Variants in SAE1 observed in about 807,000 individuals in gnomAD.
The protein encoded by SAE1 is SUMO-activating enzyme subunit 1.
Under a neutral mutation model 40.6 loss-of-function variants are expected in SAE1, and 11 were observed. The observed-to-expected ratio is 0.27, with a 90% confidence interval of 0.17 to 0.45. SAE1 has a LOEUF of 0.45. Among genes scored for constraint, SAE1 ranks in the 20% least tolerant of loss-of-function variants. The probability of loss-of-function intolerance (pLI) is 1.00; values close to 1 mark genes in which losing one functional copy is unlikely to be tolerated. For missense variants in SAE1, 373 were observed against 427.3 expected, an observed-to-expected ratio of 0.87 and a Z score of 1.12; for synonymous variants, 155 against 154.3, an observed-to-expected ratio of 1.00 and a Z score of -0.03.
rs2058420949 is a variant in SAE1, at chr19:47,170,017, C to T, written c.733+94C>T. On this transcript the variant is annotated intron_variant, in intron 6 of 8. Coordinates refer to ENST00000270225, the MANE Select transcript of SAE1 (RefSeq NM_005500.3). ...GGTCCAGATGGTTTTGTGATGTTTG[C>T]CTTGGGTGGCATTCTTCATTGGCTA... is the stretch of plus-strand genomic sequence containing the variant. 1.1e-5 allele frequency: 10 copies of T among 901,916 alleles called. No homozygotes were observed. The Admixed American group carries it at 1.9e-4, about 17-fold the overall frequency. The allele number at this position is 901,916 out of a possible 1,614,324, so 55.9% of individuals were successfully genotyped here. A position where few individuals can be genotyped will look rare whatever the true frequency, so the allele number is the denominator to read the frequency against.
intron 4 of SAE1, among the ~76,000 whole-genome samples, chr19:47,153,940 C>G (rs1421013743): frequency 6.6e-6 from 1 of 151,988 alleles, no homozygotes; most frequent in East Asian, 1.9e-4. Context: ...TACAGGCATG[C>G]GTCACCATGC....
At chr19:47,191,822 A>G (rs1468652196) in intron 6 of SAE1, among the ~76,000 whole-genome samples, 3 of 151,962 alleles carry the variant, frequency 2.0e-5, no homozygotes, top group Non-Finnish European at 2.9e-5. Flanking sequence ...TTGGGAGGCC[A>G]AGGCGGGCCG....
intron 8 of SAE1, among the ~76,000 whole-genome samples, chr19:47,205,311 C>G (rs1390654003): frequency 7.1e-6 from 1 of 141,040 alleles, no homozygotes; most frequent in Non-Finnish European, 1.5e-5. Flanking sequence ...CACCGTTTTC[C>G]TAAGGCTACT....
At chr19:47,137,369 CAA>C (rs1004680493) in intron 1 of SAE1, among the ~76,000 whole-genome samples, 32 of 152,134 alleles carry the variant, frequency 2.1e-4, no homozygotes, top group African/African-American at 7.0e-4. Flanking sequence ...GCCTGGGTGA[CAA>C]GAGCGAAACT....
chr19:47,155,012 C>G (rs111301108), intron 4 of SAE1, 102 bp from the exon 5 acceptor site: 2 of 730,916 alleles, frequency 2.7e-6, no homozygotes, highest in South Asian at 1.6e-5. Context: ...AAGCTTTTGC[C>G]CTTAACCACC....
At chr19:47,166,713 G>A (rs762063842) in intron 5 of SAE1, among the ~76,000 whole-genome samples, 1 of 152,134 alleles carries the variant, frequency 6.6e-6, no homozygotes, top group Non-Finnish European at 1.5e-5. Context: ...GGCATTCCCA[G>A]ACCATATTGC....
chr19:47,196,759 G>C lies in SAE1; in HGVS notation c.734-474G>C. Among the ~76,000 whole-genome samples the C allele has an allele frequency of 2.0e-5, 3 of 151,904 alleles. 1 individual carries two copies. In the East Asian group the frequency reaches 5.8e-4, roughly 29 times the overall value. The stretch of plus-strand genomic sequence containing the variant: ...TATACTTCATTGAATTGTTTCCTCG[G>C]GGAAGCCTTCCTGATACCACCCTAC... On this transcript the variant is annotated intron_variant, in intron 6 of 8. Coordinates refer to ENST00000270225, the MANE Select transcript of SAE1 (RefSeq NM_005500.3).
At position 47,151,655 on chromosome 19, in the gene SAE1, A is replaced by G. The variant is rs1392117244; in HGVS notation, c.385-1243A>G. Among the ~76,000 whole-genome samples the G allele has an allele frequency of 5.3e-5, 8 of 152,200 alleles. No individual in the cohort carries two copies. In the East Asian group the frequency reaches 1.5e-3, roughly 29 times the overall value. On this transcript the variant is annotated intron_variant, in intron 3 of 8. Coordinates refer to ENST00000270225, the MANE Select transcript of SAE1 (RefSeq NM_005500.3). Reference sequence around the variant, plus strand: ...TTCAAATATGGGCTTGGAAGGATGGATCATCTGTGCATTTGTCCTGTTTTC... The same window carrying G: ...TTCAAATATGGGCTTGGAAGGATGGGTCATCTGTGCATTTGTCCTGTTTTC...
chr19:47,189,301 T>C (rs563234440), intron 6 of SAE1, among the ~76,000 whole-genome samples: 35 of 151,954 alleles, frequency 2.3e-4, no homozygotes, highest in African/African-American at 7.3e-4. Flanking sequence ...CTCACGCCTG[T>C]AACCCCAGCG....
chr19:47,182,464 AGTGTGTGTGTGT>A (rs113149127), intron 6 of SAE1, among the ~76,000 whole-genome samples: 10 of 144,456 alleles, frequency 6.9e-5, no homozygotes, highest in Non-Finnish European at 9.1e-5. Context: ...AAAAAAGCGT[AGTGTGTGTGTGT>A]GTGTGTGTGT....
At chr19:47,150,462 A>C (rs1486004403) in intron 3 of SAE1, 87 bp downstream of exon 3, 1 of 1,048,688 alleles carries the variant, frequency 9.5e-7, no homozygotes, top group Non-Finnish European at 1.4e-6. Flanking sequence ...AAGCAATCTG[A>C]GAGCATTCAA....
chr19:47,192,650 C>A (rs368025299), intron 6 of SAE1, among the ~76,000 whole-genome samples: 5 of 152,238 alleles, frequency 3.3e-5, no homozygotes, highest in African/African-American at 9.6e-5. Context: ...TCAAGCAATT[C>A]TACTGCCTCA....
At chr19:47,177,452 G>A (rs188580446) in intron 6 of SAE1, among the ~76,000 whole-genome samples, 76 of 152,222 alleles carry the variant, frequency 5.0e-4, no homozygotes, top group Middle Eastern at 3.4e-3. Context: ...TTGAACTCCT[G>A]GGCTCAAGTT....
Position 47,169,909 on chromosome 19 carries a change from A to C in SAE1, c.719A>C (p.Tyr240Ser), listed in dbSNP as rs760694008. The change falls in exon 6 of 9, where the codon TAC becomes TCC. Residue 240 changes from tyrosine (Y) to serine (S), a missense_variant. Physicochemically the swap from Tyr to Ser is moderately radical, Grantham distance 144 (BLOSUM62 -2). Transcript: ENST00000270225. ...GCTCTGAAGCGCACGACCTCCGACT[A>C]CTTTCTCCTTCAAGGTGAGGTCTCA... ...KAALKRTTSD[Y>S]FLLQVLLKFR... is the part of the protein sequence containing the mutation. 6.2e-7 allele frequency: 1 copy of C among 1,613,630 alleles called. No homozygotes were observed. The highest frequency in any genetic ancestry group is 1.7e-5 in the Admixed American group (1 of 60,010).
At chr19:47,197,464 G>T in intron 7 of SAE1, 87 bp downstream of exon 7, 1 of 1,264,792 alleles carries the variant, frequency 7.9e-7, no homozygotes, top group Non-Finnish European at 1.1e-6. Flanking sequence ...TCTTTTATTA[G>T]AAACCCTTCA....
chr19:47,186,175 G>A (rs1280783873), intron 6 of SAE1, among the ~76,000 whole-genome samples: 1 of 151,860 alleles, frequency 6.6e-6, no homozygotes, highest in African/African-American at 2.4e-5. Context: ...AGGAGGCACA[G>A]CTTGCGGTGA....
chr19:47,154,480 CTTTTTTT>C (rs57870733), intron 4 of SAE1, among the ~76,000 whole-genome samples: 1 of 51,576 alleles, frequency 1.9e-5, no homozygotes, highest in African/African-American at 8.4e-5. Context: ...TTAAGTTTGG[CTTTTTTT>C]TTTTTTTTTT....
intron 6 of SAE1, among the ~76,000 whole-genome samples, chr19:47,194,562 G>A (rs1485063816): frequency 6.6e-6 from 1 of 152,162 alleles, no homozygotes; most frequent in African/African-American, 2.4e-5. Context: ...ATGTCTCTGT[G>A]TCTGTTCTGA....
chr19:47,173,286 C>T (rs1420497438), intron 6 of SAE1, among the ~76,000 whole-genome samples: 1 of 152,072 alleles, frequency 6.6e-6, no homozygotes, highest in Middle Eastern at 3.2e-3. Flanking sequence ...CGTGAGCCAC[C>T]GCGCCCGGCC....
Sources: allele counts gnomAD v4.1 joint callset (sites outside exome capture counted in the v4.1 genomes callset), GRCh38; gene constraint gnomAD v4.1.1; transcripts MANE v1.5; gene names NCBI Gene and HGNC (gene_info 2026-07-23, HGNC 2026-07-21).